ADAM32: variants seen among roughly 807,000 people sequenced by gnomAD.
ADAM32 encodes disintegrin and metalloproteinase domain-containing protein 32.
A neutral mutation model predicts 114.9 loss-of-function variants in ADAM32; 89 were observed. That is an observed-to-expected ratio of 0.77 (90% CI 0.65 to 0.92). The LOEUF (loss-of-function observed/expected upper bound fraction) is 0.92. Among genes scored for constraint, ADAM32 ranks in the 40% least tolerant of loss-of-function variants. The pLI is 0.00. For missense variants in ADAM32, 870 were observed against 932.8 expected (o/e 0.93, Z 0.88); for synonymous variants, 285 against 307.5 (o/e 0.93, Z 0.77).
intron 10 of ADAM32, among the ~76,000 whole-genome samples, chr8:39,181,478 G>T (rs1438616901): frequency 6.6e-6 from 1 of 152,156 alleles, no homozygotes; most frequent in East Asian, 1.9e-4. Context: ...TCACTGCGAG[G>T]CTCCGCGGCT....
intron 23 of ADAM32, among the ~76,000 whole-genome samples, 168 bp from the exon 24 acceptor site, chr8:39,283,411 TAAAAAAA>T (rs375766985): frequency 1.7e-5 from 1 of 57,362 alleles, no homozygotes; most frequent in African/African-American, 6.7e-5. Context: ...ACTCCATCTC[TAAAAAAA>T]AAAAAAAAAA....
chr8:39,232,225 T>C, intron 15 of ADAM32, 90 bp downstream of exon 15: 2 of 1,017,236 alleles, frequency 2.0e-6, no homozygotes, highest in Non-Finnish European at 1.4e-6. Flanking sequence ...ATTCCAGTGG[T>C]TTAAAGTATT....
intron 3 of ADAM32, among the ~76,000 whole-genome samples, chr8:39,142,985 A>G (rs1313238075): frequency 1.3e-5 from 2 of 151,946 alleles, no homozygotes; most frequent in Non-Finnish European, 2.9e-5. Flanking sequence ...TGTTTCTTCC[A>G]CTTGATCGAA....
chr8:39,226,623 G>A lies in ADAM32; in HGVS notation c.1525+3385G>A, dbSNP rs555912478. The stretch of plus-strand genomic sequence containing the variant: ...TCAGTGAGGAGAGTGGAATGATATC[G>A]TGCTGAAAGAAAAAAAAAAAGTCAA... On this transcript the variant is annotated intron_variant, in intron 14 of 24. Coordinates refer to ENST00000379907, the MANE Select transcript of ADAM32 (RefSeq NM_145004.7). Among the ~76,000 whole-genome samples, 17 of 151,756 alleles carry A rather than the reference G, an allele frequency of 1.1e-4. No individual in the cohort carries two copies. The South Asian group carries it at 1.9e-3, about 17-fold the overall frequency.
chr8:39,271,594 A>G (rs1298527608), intron 20 of ADAM32, among the ~76,000 whole-genome samples: 1 of 152,058 alleles, frequency 6.6e-6, no homozygotes, highest in African/African-American at 2.4e-5. Context: ...AATATAATCC[A>G]TTAAACAAGA....
intron 2 of ADAM32, among the ~76,000 whole-genome samples, chr8:39,122,516 A>G (rs896166453): frequency 1.3e-5 from 2 of 152,222 alleles, no homozygotes; most frequent in Non-Finnish European, 2.9e-5. Context: ...ACCAGAAACC[A>G]ACCTGCTAGC....
In ADAM32 at chr8:39,257,246, A is replaced by G. The variant is rs1435164945; in HGVS notation, c.2065A>G (p.Ile689Val). The G allele has an allele frequency of 6.2e-7, 1 of 1,612,234 alleles. No homozygotes were observed. The highest frequency in any genetic ancestry group is 1.3e-5 in the African/African-American group (1 of 74,706). ...TENTWLLGFLIALPILIVTTA... is the reference protein window; with the variant it reads ...TENTWLLGFLVALPILIVTTA... ...AAACACCTGGCTTCTAGGTTTCCTC[A>G]TTGCTCTTCCTATTCTCATTGTAAC... The change falls in exon 19 of 25, where the codon ATT becomes GTT. Residue 689 changes from isoleucine to valine, a missense_variant. Ile to Val is a conservative substitution (Grantham distance 29). Coordinates refer to ENST00000379907, the MANE Select transcript of ADAM32 (RefSeq NM_145004.7).
intron 12 of ADAM32, among the ~76,000 whole-genome samples, chr8:39,212,917 A>G (rs982834131): frequency 6.6e-6 from 1 of 152,126 alleles, no homozygotes; most frequent in African/African-American, 2.4e-5. Context: ...GTTATTATCC[A>G]CTTCTTAAAT....
chr8:39,191,465 T>A (rs10808917), intron 11 of ADAM32, among the ~76,000 whole-genome samples: 108,351 of 152,086 alleles, frequency 0.71, 38,807 homozygotes, highest in Middle Eastern at 0.78. Flanking sequence ...TGAGACGGTA[T>A]CTCATTGTAG....
At chr8:39,243,370 A>G (rs149088352) in intron 16 of ADAM32, among the ~76,000 whole-genome samples, 86 of 152,350 alleles carry the variant, frequency 5.6e-4, no homozygotes, top group Non-Finnish European at 9.1e-4. Flanking sequence ...GTAAACAAAA[A>G]TGCAAATTTT....
Position 39,254,405 on chromosome 8 carries a change from T to C in ADAM32, c.1903-9T>C. The C allele has an allele frequency of 6.4e-7, 1 of 1,568,190 alleles. No individual in the cohort carries two copies. The highest frequency in any genetic ancestry group is 1.2e-5 in the South Asian group (1 of 83,804). On this transcript the variant is annotated splice_polypyrimidine_tract_variant and intron_variant, in intron 17 of 24. Transcript: ENST00000379907. ...AAAACAATCATTTAATTTTTCAAAA[T>C]GATCCTAGGTGTGTGATTCCAGAAA... is the stretch of plus-strand genomic sequence containing the variant.
At chr8:39,180,614 A>C (rs932208658) in intron 10 of ADAM32, among the ~76,000 whole-genome samples, 1 of 152,180 alleles carries the variant, frequency 6.6e-6, no homozygotes, top group Admixed American at 6.5e-5. Context: ...GGAGGTGGAG[A>C]GTCTTTATGT....
At position 39,205,872 on chromosome 8, in the gene ADAM32, A is replaced by G. The variant is rs532791343; in HGVS notation, c.1053-5272A>G. ...TTTTGAATTCTTTTTCAGACGTTTC[A>G]TAGATTTCTTTTTGTTTTGGCTCTG... On this transcript the variant is annotated intron_variant, in intron 11 of 24. Transcript: ENST00000379907. Among the ~76,000 whole-genome samples, 60 of 152,180 alleles carry G rather than the reference A, an allele frequency of 3.9e-4. 1 individual carries two copies. In the South Asian group the frequency reaches 3.9e-3, roughly 10 times the overall value.
intron 7 of ADAM32, among the ~76,000 whole-genome samples, chr8:39,164,253 G>A (rs954201920): frequency 6.6e-6 from 1 of 152,144 alleles, no homozygotes; most frequent in Admixed American, 6.5e-5. Flanking sequence ...TTGAGATTAT[G>A]TTTTCATGCT....
In ADAM32 at chr8:39,234,077, G is replaced by T; in HGVS notation, c.1813G>T (p.Gly605Trp). ...AVKNGSQCDIGRVCVNRECVE... is the reference protein window; with the variant it reads ...AVKNGSQCDIWRVCVNRECVE... Reference sequence around the variant, plus strand: ...CAAAAATGGCTCTCAGTGTGATATTGGGAGGGTAAATAATTTAAAATCTAT... The same window carrying T: ...CAAAAATGGCTCTCAGTGTGATATTTGGAGGGTAAATAATTTAAAATCTAT... Residue 605 changes from glycine (G) to tryptophan (W), a missense_variant, in exon 16 of 25, where the codon GGG (glycine) becomes TGG (tryptophan). Physicochemically the swap from Gly to Trp is radical, Grantham distance 184 (BLOSUM62 -2). Coordinates refer to ENST00000379907, the MANE Select transcript of ADAM32 (RefSeq NM_145004.7). The T allele has an allele frequency of 7.2e-7, 1 of 1,383,824 alleles. No homozygotes were observed. The highest frequency in any genetic ancestry group is 9.4e-7 in the Non-Finnish European group (1 of 1,061,000). 85.7% of individuals were successfully genotyped at this position (1,383,824 alleles called of 1,614,324 possible). A position where few individuals can be genotyped will look rare whatever the true frequency, so the allele number is the denominator to read the frequency against.
chr8:39,272,922 C>G (rs1564732221), intron 20 of ADAM32, among the ~76,000 whole-genome samples: 1 of 152,032 alleles, frequency 6.6e-6, no homozygotes, highest in African/African-American at 2.4e-5. Context: ...TCTTTATCGG[C>G]TTTTTTGTCT....
intron 14 of ADAM32, 109 bp downstream of exon 14, chr8:39,223,347 T>A (rs1034093446): frequency 1.7e-6 from 1 of 605,020 alleles, no homozygotes; most frequent in Non-Finnish European, 2.4e-6. Context: ...TTATATAGTA[T>A]AAAATGTGGA....
Position 39,234,017 on chromosome 8 carries a change from A to G in ADAM32, c.1753A>G (p.Lys585Glu). 6.5e-7 allele frequency: 1 copy of G among 1,547,682 alleles called. No individual in the cohort carries two copies. Among genetic ancestry groups the G allele is most frequent in the Non-Finnish European group, 8.7e-7 (1 of 1,143,948 alleles). The change falls in exon 16 of 25, where the codon AAA (lysine) becomes GAA (glutamate). Residue 585 changes from lysine (K) to glutamate (E), a missense_variant. Coordinates refer to ENST00000379907, the MANE Select transcript of ADAM32 (RefSeq NM_145004.7). ...RDSVCITVDY[K>E]LPRTVPDPLA... ...TTCTGTATGCATAACTGTAGACTACAAATTGCCTCGAACAGTTCCAGATCC... is the reference window on the plus strand; with the variant it reads ...TTCTGTATGCATAACTGTAGACTACGAATTGCCTCGAACAGTTCCAGATCC...
chr8:39,281,191 G>C lies in ADAM32; in HGVS notation c.2318+17G>C. 2 of 1,335,604 alleles carry C rather than the reference G, an allele frequency of 1.5e-6. No individual in the cohort carries two copies. Among genetic ancestry groups the C allele is most frequent in the Non-Finnish European group, 9.8e-7 (1 of 1,017,404 alleles). The allele number at this position is 1,335,604 out of a possible 1,614,324, so 82.7% of individuals were successfully genotyped here. A position where few individuals can be genotyped will look rare whatever the true frequency, so the allele number is the denominator to read the frequency against. On this transcript the variant is annotated intron_variant, in intron 23 of 24. Transcript: ENST00000379907. ...TACTAGCAGGTAAGCAGGATAGAAA[G>C]TGTTACTTATAAATAAGTATGTTGA... is the stretch of plus-strand genomic sequence containing the variant.
Sources: gnomAD v4.1 joint callset for allele counts (sites outside exome capture counted in the v4.1 genomes callset) on GRCh38, gnomAD v4.1.1 for gene constraint, MANE v1.5 for transcripts, NCBI Gene and HGNC (gene_info 2026-07-23, HGNC 2026-07-21) for gene names.